Variants in SATB1 observed in about 807,000 individuals in gnomAD.
SATB1 encodes the protein DNA-binding protein SATB1.
A neutral mutation model predicts 86.9 loss-of-function variants in SATB1; 11 were observed. That is an observed-to-expected ratio of 0.13 (90% CI 0.08 to 0.21). SATB1 has a LOEUF of 0.21. SATB1 is among the 10% of genes least tolerant of loss of function. The probability of loss-of-function intolerance (pLI) is 1.00; values close to 1 mark genes in which losing one functional copy is unlikely to be tolerated. For synonymous variants in SATB1, 357 were observed against 357.2 expected (o/e 1.00, Z 0.01); for missense variants, 551 against 937.6 (o/e 0.59, Z 5.39).
At chr3:18,354,954 A>G (rs1694558101) in intron 9 of SATB1, among the ~76,000 whole-genome samples, 1 of 152,100 alleles carries the variant, frequency 6.6e-6, no homozygotes, top group African/African-American at 2.4e-5. Context: ...TAACATTTCC[A>G]GTAGTTTGCT....
intron 7 of SATB1, among the ~76,000 whole-genome samples, chr3:18,392,095 A>G (rs1696706143): frequency 6.6e-6 from 1 of 152,150 alleles, no homozygotes; most frequent in South Asian, 2.1e-4. Flanking sequence ...AGGGCACTAA[A>G]TATTTTTTTG....
upstream of SATB1, among the ~76,000 whole-genome samples, chr3:18,425,559 AT>A (rs1698656241): frequency 6.7e-6 from 1 of 150,050 alleles, no homozygotes; most frequent in Non-Finnish European, 1.5e-5. Context: ...GAGTGAGGGA[AT>A]GGGGGGAGCG....
At chr3:18,392,537 A>G (rs1410516956) in intron 7 of SATB1, among the ~76,000 whole-genome samples, 1 of 150,400 alleles carries the variant, frequency 6.6e-6, no homozygotes, top group East Asian at 2.0e-4. Flanking sequence ...ACCAGTAACT[A>G]TATATATACA....
At chr3:18,430,618 A>T (rs973122975) in intron 2 of SATB1, among the ~76,000 whole-genome samples, 1 of 152,222 alleles carries the variant, frequency 6.6e-6, no homozygotes, top group African/African-American at 2.4e-5. Context: ...GGGCATCCAG[A>T]TAACAAATAA....
intron 5 of SATB1, among the ~76,000 whole-genome samples, chr3:18,412,154 G>C (rs1275519005): frequency 1.3e-5 from 2 of 152,050 alleles, no homozygotes; most frequent in African/African-American, 4.8e-5. Context: ...GGCTTAGCAA[G>C]TCAGGACTTT....
chr3:18,402,680 G>A (rs1051431950), intron 5 of SATB1, among the ~76,000 whole-genome samples: 1 of 151,910 alleles, frequency 6.6e-6, no homozygotes, highest in African/African-American at 2.4e-5. Context: ...ACATGCTTGC[G>A]TTTTTTGCAC....
chr3:18,417,347 C>T (rs1229217263), intron 2 of SATB1: 1 of 565,384 alleles, frequency 1.8e-6, no homozygotes, highest in Non-Finnish European at 3.1e-6. Context: ...TTTCCAAAAG[C>T]AATGAATGCA....
At chr3:18,380,750 G>C (rs1012884746) in intron 8 of SATB1, among the ~76,000 whole-genome samples, 1 of 151,222 alleles carries the variant, frequency 6.6e-6, no homozygotes, top group East Asian at 1.9e-4. Context: ...ACAAGCTATT[G>C]CTTAAGGGAA....
intron 8 of SATB1, among the ~76,000 whole-genome samples, chr3:18,382,694 G>A (rs1468114783): frequency 6.6e-6 from 1 of 152,162 alleles, no homozygotes; most frequent in Non-Finnish European, 1.5e-5. Context: ...CCATTGTCTA[G>A]TTTTCCCAAC....
intron 10 of SATB1, chr3:18,351,064 C>A: frequency 6.2e-6 from 3 of 487,418 alleles, no homozygotes. Flanking sequence ...CCTAAGAGCG[C>A]TAATGACTAC....
chr3:18,443,453 C>A (rs1489736072), upstream of SATB1, among the ~76,000 whole-genome samples: 1 of 152,200 alleles, frequency 6.6e-6, no homozygotes, highest in African/African-American at 2.4e-5. This position sits in a 1 kb window ranked among gnomAD's most constrained non-coding sequence, Gnocchi z 4.4. Flanking sequence ...CAAGGAAGGG[C>A]GCAGAGGTCA....
Position 18,430,613 on chromosome 3 carries a change from T to C in SATB1, c.-25+6176A>G, listed in dbSNP as rs116092435. On this transcript the variant is annotated intron_variant, in intron 2 of 3. Coordinates refer to the SATB1 transcript ENST00000414509. ...GATACCTACTCGAACTGGGAGGGCA[T>C]CCAGATAACAAATAATGATGCACTG... is the stretch of plus-strand genomic sequence containing the variant. Among the ~76,000 whole-genome samples the C allele has an allele frequency of 1.5e-3, 226 of 152,224 alleles. 1 individual carries two copies. The highest frequency in any genetic ancestry group is 5.2e-3 in the African/African-American group (215 of 41,538).
intron 8 of SATB1, among the ~76,000 whole-genome samples, chr3:18,378,716 G>T (rs1212111548): frequency 6.6e-6 from 1 of 152,106 alleles, no homozygotes; most frequent in Non-Finnish European, 1.5e-5. Flanking sequence ...TCTTCACTGG[G>T]TGCCCGGTGC....
chr3:18,416,989 C>T lies in SATB1; in HGVS notation c.301G>A (p.Val101Met), dbSNP rs758668882. The T allele has an allele frequency of 6.2e-7, 1 of 1,613,556 alleles. No homozygotes were observed. Among genetic ancestry groups the T allele is most frequent in the Non-Finnish European group, 8.5e-7 (1 of 1,179,712 alleles). ...TGGTTGAAAAGCATATCCTTTCTCA[C>T]CAGCACAAATTCTGCATGCTCCTCC... ...CKEEHAEFVL[V>M]RKDMLFNQLI... Residue 101 changes from valine to methionine, a missense_variant, in exon 3 of 11, where the codon GTG (valine) becomes ATG (methionine). This residue lies in a region of SATB1 where 153 missense variants were observed against 258.1 expected (regional missense o/e 0.59). Coordinates refer to ENST00000338745, the MANE Select transcript of SATB1 (RefSeq NM_002971.6).
Position 18,394,962 on chromosome 3 carries a change from G to A in SATB1, c.752-46C>T. 1 of 1,388,654 alleles carries A rather than the reference G, an allele frequency of 7.2e-7. No individual in the cohort carries two copies. Among genetic ancestry groups the A allele is most frequent in the South Asian group, 1.4e-5 (1 of 73,192 alleles). 86.0% of individuals were successfully genotyped at this position (1,388,654 alleles called of 1,614,324 possible). On this transcript the variant is annotated intron_variant, in intron 6 of 10. Transcript: ENST00000338745. The surrounding 1 kb of genome is among the most constrained non-coding windows in gnomAD (Gnocchi z 5.9). ...AATCACATTCAGCCAACAATGATTG[G>A]CATTGATAAAGATTTCTAACCATTT...
chr3:18,367,867 G>A (rs1695264809), intron 9 of SATB1, among the ~76,000 whole-genome samples: 1 of 152,062 alleles, frequency 6.6e-6, no homozygotes, highest in Non-Finnish European at 1.5e-5. Flanking sequence ...ATTTGCAAAG[G>A]AACAATTTAG....
intron 9 of SATB1, among the ~76,000 whole-genome samples, chr3:18,374,139 T>C (rs1695614792): frequency 6.6e-6 from 1 of 152,164 alleles, no homozygotes; most frequent in African/African-American, 2.4e-5. Flanking sequence ...AACAATTCAG[T>C]ATACAAGGCA....
At chr3:18,368,194 A>C (rs1695283329) in intron 9 of SATB1, among the ~76,000 whole-genome samples, 1 of 152,218 alleles carries the variant, frequency 6.6e-6, no homozygotes, top group Non-Finnish European at 1.5e-5. Flanking sequence ...TTCTGAGGTG[A>C]TATCTGTACT....
At chr3:18,413,189 C>T (rs760028465) in intron 5 of SATB1, among the ~76,000 whole-genome samples, 3 of 151,980 alleles carry the variant, frequency 2.0e-5, no homozygotes, top group Non-Finnish European at 2.9e-5. Flanking sequence ...TGTCATTCTA[C>T]TTAATGTTAT....
Sources: allele counts gnomAD v4.1 joint callset (sites outside exome capture counted in the v4.1 genomes callset), GRCh38; gene constraint gnomAD v4.1.1; regional missense constraint gnomAD v4.1.1; non-coding constraint Gnocchi (gnomAD v3.1); transcripts MANE v1.5; gene names NCBI Gene and HGNC (gene_info 2026-07-23, HGNC 2026-07-21).